FBXO31: variants seen among roughly 807,000 people sequenced by gnomAD.
The protein encoded by FBXO31 is F-box protein 31.
FBXO31 carries 24 observed loss-of-function variants against 54.4 expected under a neutral mutation model. That is an observed-to-expected ratio of 0.44 (90% CI 0.32 to 0.62). The LOEUF is 0.62. FBXO31 is among the 20% of genes least tolerant of loss of function. FBXO31 has a pLI of 0.05. For synonymous variants in FBXO31, 388 were observed against 335.6 expected, an observed-to-expected ratio of 1.16 and a Z score of -1.71; for missense variants, 665 against 787.1, an observed-to-expected ratio of 0.84 and a Z score of 1.86.
At chr16:87,389,621 T>G (rs1299001502) in intron 1 of FBXO31, 1 of 152,202 alleles carries the variant, frequency 6.6e-6, no homozygotes, top group African/African-American at 2.4e-5. Context: ...CACTCACCAG[T>G]CAATACTTAA....
intron 1 of FBXO31, among the ~76,000 whole-genome samples, chr16:87,373,670 C>G (rs556332685): frequency 6.6e-6 from 1 of 152,088 alleles, no homozygotes; most frequent in South Asian, 2.1e-4. Context: ...GGAACTGGGA[C>G]TACAGGTGTG....
At chr16:87,384,388 C>A (rs748343939), upstream of FBXO31, among the ~76,000 whole-genome samples, 2 of 152,202 alleles carry the variant, frequency 1.3e-5, no homozygotes, top group African/African-American at 4.8e-5. Context: ...GCGGAAGCCC[C>A]GGGGAGGGCT....
At chr16:87,376,906 C>T (rs1906847255) in intron 1 of FBXO31, among the ~76,000 whole-genome samples, 1 of 152,184 alleles carries the variant, frequency 6.6e-6, no homozygotes, top group African/African-American at 2.4e-5. Flanking sequence ...AAACTAAGAC[C>T]CGATCTATCT....
At chr16:87,341,039 TC>T (rs1391344507) in intron 5 of FBXO31, among the ~76,000 whole-genome samples, 1 of 152,034 alleles carries the variant, frequency 6.6e-6, no homozygotes, top group Non-Finnish European at 1.5e-5. Flanking sequence ...GAGCTCCTGA[TC>T]CCAAGACACT....
chr16:87,376,409 G>A (rs567088200), intron 1 of FBXO31, among the ~76,000 whole-genome samples: 1 of 151,998 alleles, frequency 6.6e-6, no homozygotes, highest in Admixed American at 6.6e-5. Flanking sequence ...AAGTAACTGG[G>A]ATTACAGGTG....
At chr16:87,373,353 G>C (rs1906682530) in intron 1 of FBXO31, among the ~76,000 whole-genome samples, 1 of 148,206 alleles carries the variant, frequency 6.7e-6, no homozygotes, top group Non-Finnish European at 1.5e-5. Flanking sequence ...TCAGGAGGCT[G>C]AGGCAGGAGA....
At chr16:87,363,169 G>C (rs561245460) in intron 1 of FBXO31, among the ~76,000 whole-genome samples, 1 of 152,178 alleles carries the variant, frequency 6.6e-6, no homozygotes, top group Non-Finnish European at 1.5e-5. Flanking sequence ...AAGATCACCT[G>C]AGGTTGGGAG....
chr16:87,383,888 G>T (rs1005065259), upstream of FBXO31: 7 of 546,702 alleles, frequency 1.3e-5, no homozygotes, highest in African/African-American at 6.1e-5. The surrounding 1 kb of genome is among the most constrained non-coding windows in gnomAD (Gnocchi z 4.9). Flanking sequence ...GCTCCGCCCC[G>T]GCCGCGCCAC....
At chr16:87,343,798 G>A in intron 3 of FBXO31, 33 bp from the exon 4 acceptor site, 3 of 1,612,090 alleles carry the variant, frequency 1.9e-6, no homozygotes, top group Non-Finnish European at 2.5e-6. Flanking sequence ...GTCCATGAGT[G>A]GCTCCCGGGC....
At chr16:87,344,379 G>A (rs896706075) in intron 3 of FBXO31, among the ~76,000 whole-genome samples, 18 of 152,244 alleles carry the variant, frequency 1.2e-4, no homozygotes, top group South Asian at 4.1e-4. Flanking sequence ...GCGATCTCGC[G>A]TGTCCGGGCG....
At chr16:87,387,732 G>C (rs886130370), upstream of FBXO31, among the ~76,000 whole-genome samples, 1 of 152,178 alleles carries the variant, frequency 6.6e-6, no homozygotes, top group Non-Finnish European at 1.5e-5. Context: ...GTGTGAACCC[G>C]GGAGGCGGAG....
rs73248600 is a variant in FBXO31, at chr16:87,346,601, C to T, written c.489+573G>A. On this transcript the variant is annotated intron_variant, in intron 3 of 8. Coordinates refer to ENST00000311635, the MANE Select transcript of FBXO31 (RefSeq NM_024735.5). This position sits in a 1 kb window ranked among gnomAD's most constrained non-coding sequence, Gnocchi z 4.2. ...AAGCAGGCTGCCGGGAGAAGGGAAA[C>T]GGAGACGACTCTGCCACCAGCCTGG... 8.4e-3 allele frequency among the ~76,000 whole-genome samples: 1,278 copies of T among 152,312 alleles called. 11 individuals carry two copies. The highest frequency in any genetic ancestry group is 0.029 in the African/African-American group (1,206 of 41,564).
chr16:87,359,229 A>G (rs1253159801), intron 2 of FBXO31, among the ~76,000 whole-genome samples: 1 of 152,222 alleles, frequency 6.6e-6, no homozygotes, highest in Non-Finnish European at 1.5e-5. Flanking sequence ...AGCAGTGAAA[A>G]GAAATCTCCC....
chr16:87,348,126 G>T, intron 2 of FBXO31, among the ~76,000 whole-genome samples: 1 of 152,092 alleles, frequency 6.6e-6, no homozygotes, highest in Admixed American at 6.6e-5. Context: ...CCTTCAGGCA[G>T]GCCTGAACCC....
chr16:87,386,360 T>C (rs942437211), upstream of FBXO31, among the ~76,000 whole-genome samples: 2 of 152,264 alleles, frequency 1.3e-5, no homozygotes, highest in African/African-American at 4.8e-5. Flanking sequence ...CAACTCAGGC[T>C]TCAGTGAGCA....
chr16:87,370,386 A>G (rs1360625111), intron 1 of FBXO31, among the ~76,000 whole-genome samples: 1 of 152,182 alleles, frequency 6.6e-6, no homozygotes, highest in Non-Finnish European at 1.5e-5. Flanking sequence ...CTTCCTCCCA[A>G]AAGCACCACT....
intron 1 of FBXO31, among the ~76,000 whole-genome samples, chr16:87,362,304 A>T (rs1003766011): frequency 6.6e-6 from 1 of 151,780 alleles, no homozygotes; most frequent in Non-Finnish European, 1.5e-5. Context: ...TTACTGAGTT[A>T]TCTTTTTTTT....
At position 87,383,559 on chromosome 16, in the gene FBXO31, G is replaced by GGGCGGC; in HGVS notation, c.180_185dup (p.Pro62_Pro63dup). The GGGCGGC allele has an allele frequency of 6.5e-7, 1 of 1,537,914 alleles. No individual in the cohort carries two copies. The highest frequency in any genetic ancestry group is 8.7e-7 in the Non-Finnish European group (1 of 1,148,302). ...GCAGCTCCAGCAGCGAGCAGCGCGG[G>GGGCGGC]GGCGGCGGCGAGGGGCCCGCGCACA... On this transcript the variant is annotated inframe_insertion, in exon 1 of 9. Coordinates refer to ENST00000311635, the MANE Select transcript of FBXO31 (RefSeq NM_024735.5). This position sits in a 1 kb window ranked among gnomAD's most constrained non-coding sequence, Gnocchi z 4.9.
intron 1 of FBXO31, among the ~76,000 whole-genome samples, chr16:87,363,465 G>T (rs747593655): frequency 6.6e-6 from 1 of 152,148 alleles, no homozygotes; most frequent in Non-Finnish European, 1.5e-5. Flanking sequence ...GGTGACCTGG[G>T]GCATCTGAGG....
Sources: allele counts gnomAD v4.1 joint callset (sites outside exome capture counted in the v4.1 genomes callset), GRCh38; gene constraint gnomAD v4.1.1; non-coding constraint Gnocchi (gnomAD v3.1); transcripts MANE v1.5; gene names NCBI Gene and HGNC (gene_info 2026-07-23, HGNC 2026-07-21).